COLGALT2: variants seen among roughly 807,000 people sequenced by gnomAD.
The protein encoded by COLGALT2 is collagen beta(1-O)galactosyltransferase 2, also known as procollagen galactosyltransferase 2.
COLGALT2 carries 49 observed loss-of-function variants against 73.4 expected under a neutral mutation model. The ratio of observed to expected loss-of-function variants is 0.67; its 90% CI spans 0.53 to 0.85. The LOEUF (loss-of-function observed/expected upper bound fraction) is 0.85. Ranked by LOEUF, COLGALT2 falls within the 40% of genes least tolerant of loss-of-function variation. COLGALT2 has a pLI of 0.00. For synonymous variants in COLGALT2, 295 were observed against 307.6 expected (o/e 0.96, Z 0.43); for missense variants, 722 against 790.2 (o/e 0.91, Z 1.03).
At chr1:183,973,253 T>C (rs1327163310) in intron 4 of COLGALT2, among the ~76,000 whole-genome samples, 1 of 152,188 alleles carries the variant, frequency 6.6e-6, no homozygotes, top group Non-Finnish European at 1.5e-5. Context: ...ATCTGTCTTG[T>C]TGGTTTTCTT....
intron 1 of COLGALT2, among the ~76,000 whole-genome samples, chr1:184,016,708 A>G (rs1649011916): frequency 6.6e-6 from 1 of 152,194 alleles, no homozygotes; most frequent in Admixed American, 6.5e-5. Context: ...TTTTTTATAT[A>G]AAAATATATA....
At chr1:183,963,546 T>C (rs1229884870) in intron 6 of COLGALT2, among the ~76,000 whole-genome samples, 1 of 152,198 alleles carries the variant, frequency 6.6e-6, no homozygotes, top group Non-Finnish European at 1.5e-5. Flanking sequence ...ATTATTTCCA[T>C]TTTACAACTA....
chr1:183,976,589 T>C (rs940065538), intron 2 of COLGALT2, among the ~76,000 whole-genome samples: 3 of 152,056 alleles, frequency 2.0e-5, no homozygotes, highest in Non-Finnish European at 2.9e-5. Context: ...TAATAGTAAG[T>C]TTTAAATACA....
At chr1:183,953,157 A>C (rs1670446046) in intron 7 of COLGALT2, among the ~76,000 whole-genome samples, 1 of 152,212 alleles carries the variant, frequency 6.6e-6, no homozygotes, top group Non-Finnish European at 1.5e-5. Flanking sequence ...CAGATGGCTC[A>C]CTCACACTTA....
chr1:184,010,558 GA>G (rs1672206955), intron 1 of COLGALT2, among the ~76,000 whole-genome samples: 1 of 152,164 alleles, frequency 6.6e-6, no homozygotes, highest in Non-Finnish European at 1.5e-5. Flanking sequence ...GAAATGATGA[GA>G]TTTTTTTCCC....
intron 4 of COLGALT2, among the ~76,000 whole-genome samples, chr1:183,971,953 T>C (rs919419042): frequency 6.6e-6 from 1 of 152,186 alleles, no homozygotes; most frequent in Admixed American, 6.5e-5. Flanking sequence ...ATTTAAACCA[T>C]AAAAATTGGC....
chr1:183,964,308 T>A (rs545676609), intron 5 of COLGALT2: 50 of 398,286 alleles, frequency 1.3e-4, no homozygotes, highest in African/African-American at 9.7e-4. Context: ...AAAAAAGGCA[T>A]GAAAGGATCA....
Position 183,936,610 on chromosome 1 carries a change from C to A in COLGALT2, c.*2151G>T, listed in dbSNP as rs1444923176. On this transcript the variant is annotated 3_prime_UTR_variant, in exon 12 of 12. Coordinates refer to ENST00000361927, the MANE Select transcript of COLGALT2 (RefSeq NM_015101.4). The stretch of plus-strand genomic sequence containing the variant: ...CCAGCACCCCAGCCACCTCCCACCC[C>A]ATTAAAAAAGTCATTAAAGTCATGC... 29 of 1,185,746 alleles carry A rather than the reference C, an allele frequency of 2.4e-5. No homozygotes were observed. The highest frequency in any genetic ancestry group is 2.9e-5 in the Non-Finnish European group (28 of 959,726). The allele number at this position is 1,185,746 out of a possible 1,614,324, so 73.5% of individuals were successfully genotyped here. A position where few individuals can be genotyped will look rare whatever the true frequency, so the allele number is the denominator to read the frequency against.
chr1:183,988,830 T>C (rs2102828162), intron 1 of COLGALT2, among the ~76,000 whole-genome samples: 1 of 152,338 alleles, frequency 6.6e-6, no homozygotes, highest in East Asian at 1.9e-4. Context: ...GAACATATGG[T>C]TTCATTTACC....
chr1:183,930,458 A>T (rs371587711), intron 11 of COLGALT2, among the ~76,000 whole-genome samples: 10 of 152,104 alleles, frequency 6.6e-5, no homozygotes, highest in African/African-American at 2.2e-4. Flanking sequence ...GCGCAACCTC[A>T]GCTCACTGCA....
chr1:183,982,086 A>G (rs1374493308), intron 1 of COLGALT2, among the ~76,000 whole-genome samples: 1 of 152,194 alleles, frequency 6.6e-6, no homozygotes, highest in African/African-American at 2.4e-5. Context: ...GTCTTCTTGA[A>G]ATTAGATGAG....
rs1380619261 is a variant in COLGALT2 at position 183,969,271 on chromosome 1, G to A, written c.830C>T (p.Ala277Val). The change falls in exon 5 of 12, where the codon GCA becomes GTA. Residue 277 changes from alanine (A) to valine (V), a missense_variant and splice_region_variant. By Grantham distance (64) the Ala-to-Val change is moderately conservative (BLOSUM62 0). Coordinates refer to ENST00000361927, the MANE Select transcript of COLGALT2 (RefSeq NM_015101.4). ...CTACAACCAAAGACAAACAGTACCT[G>A]CTTGCCTGCTGGAGAAGGCAAAGAC... ...IIVFAFSSRQ[A>V]GIQMYLCNRE... The A allele has an allele frequency of 6.2e-7, 1 of 1,609,592 alleles. No homozygotes were observed. Among genetic ancestry groups the A allele is most frequent in the Admixed American group, 1.7e-5 (1 of 59,648 alleles).
At chr1:183,974,745 A>G (rs1671142321) in intron 3 of COLGALT2, among the ~76,000 whole-genome samples, 1 of 152,206 alleles carries the variant, frequency 6.6e-6, no homozygotes, top group Non-Finnish European at 1.5e-5. Flanking sequence ...TTACTTTTTC[A>G]TATCCCCCAA....
chr1:183,954,559 A>G (rs1408902393), intron 7 of COLGALT2, among the ~76,000 whole-genome samples: 2 of 152,258 alleles, frequency 1.3e-5, no homozygotes, highest in African/African-American at 4.8e-5. Context: ...ATGATTAACT[A>G]CATTTATCAT....
chr1:183,975,932 C>T (rs1004781226), intron 2 of COLGALT2, among the ~76,000 whole-genome samples: 4 of 152,182 alleles, frequency 2.6e-5, no homozygotes, highest in Admixed American at 6.5e-5. Flanking sequence ...ACTGGCAGTA[C>T]ATTTGTTTTA....
intron 1 of COLGALT2, among the ~76,000 whole-genome samples, chr1:184,017,287 A>G (rs1323274257): frequency 6.6e-6 from 1 of 152,242 alleles, no homozygotes; most frequent in Admixed American, 6.5e-5. Context: ...ATTATCAAGT[A>G]TGTTTCTGGC....
chr1:183,964,387 C>G, intron 5 of COLGALT2: 3 of 298,204 alleles, frequency 1.0e-5, no homozygotes, highest in Non-Finnish European at 1.8e-5. Context: ...CAGGAAATAA[C>G]AAGAAAATGA....
chr1:183,941,441 C>T (rs187057311), intron 10 of COLGALT2, among the ~76,000 whole-genome samples: 6 of 152,338 alleles, frequency 3.9e-5, no homozygotes, highest in African/African-American at 4.8e-5. Context: ...TTCCGTCCTC[C>T]GTGAACAACT....
chr1:183,989,291 G>A (rs183377409), intron 1 of COLGALT2, among the ~76,000 whole-genome samples: 262 of 152,302 alleles, frequency 1.7e-3, no homozygotes, highest in African/African-American at 6.0e-3. Flanking sequence ...ACAGGACATG[G>A]ATGATTAAAC....
Sources: gnomAD v4.1 joint callset for allele counts (sites outside exome capture counted in the v4.1 genomes callset) on GRCh38, gnomAD v4.1.1 for gene constraint, MANE v1.5 for transcripts, NCBI Gene and HGNC (gene_info 2026-07-23, HGNC 2026-07-21) for gene names.